CFAP99: variants seen among roughly 807,000 people sequenced by gnomAD.
CFAP99 encodes cilia and flagella associated protein 99.
A neutral mutation model predicts 82.7 loss-of-function variants in CFAP99; 84 were observed. The observed-to-expected ratio is 1.02, with a 90% CI of 0.85 to 1.22. The LOEUF is 1.22. Ranked by LOEUF, CFAP99 falls within the 50% of genes most tolerant of loss-of-function variation. CFAP99 has a pLI of 0.00. For synonymous variants in CFAP99, 456 were observed against 429.5 expected (o/e 1.06, Z -0.76); for missense variants, 1,059 against 983.5 (o/e 1.08, Z -1.03).
At chr4:2,431,262 G>A (rs1002210314) in intron 2 of CFAP99, among the ~76,000 whole-genome samples, 17 of 152,050 alleles carry the variant, frequency 1.1e-4, no homozygotes, top group Middle Eastern at 3.4e-3. Flanking sequence ...CCAGCTACTC[G>A]GGAGGCTGAG....
intron 2 of CFAP99, among the ~76,000 whole-genome samples, chr4:2,434,287 T>A (rs1578468070): frequency 6.6e-6 from 1 of 152,142 alleles, no homozygotes; most frequent in East Asian, 1.9e-4. Flanking sequence ...GCAATCAGAA[T>A]GCTGTCAGCC....
rs144674090 is a variant in CFAP99, at chr4:2,444,986, G to A, written c.465-145G>A. The stretch of plus-strand genomic sequence containing the variant: ...TATGCCTACAAGTAGAAGCCACTTC[G>A]TGAAGTGAGGCCGTCCATCCCACTA... On this transcript the variant is annotated intron_variant, in intron 5 of 14. Transcript: ENST00000635017. 1,313 of 468,740 alleles carry A rather than the reference G, an allele frequency of 2.8e-3. 6 individuals carry two copies. The highest frequency in any genetic ancestry group is 0.017 in the African/African-American group (868 of 49,908). 29.0% of individuals were successfully genotyped at this position (468,740 alleles called of 1,614,324 possible).
At chr4:2,435,571 C>G (rs1733889886) in intron 2 of CFAP99, among the ~76,000 whole-genome samples, 2 of 152,122 alleles carry the variant, frequency 1.3e-5, no homozygotes. Context: ...TCGTAGAACA[C>G]ATTGTAAGTG....
chr4:2,429,089 TC>T (rs1396593186), intron 2 of CFAP99: 6 of 152,378 alleles, frequency 3.9e-5, no homozygotes, highest in African/African-American at 1.4e-4. Flanking sequence ...TGCACTCTGC[TC>T]CAGCTGCACT....
intron 1 of CFAP99, among the ~76,000 whole-genome samples, chr4:2,421,431 T>C (rs1733582977): frequency 7.3e-6 from 1 of 136,836 alleles, no homozygotes; most frequent in Non-Finnish European, 1.5e-5. Flanking sequence ...CTCAGCTCAC[T>C]GCGACCTCTG....
At chr4:2,457,982 G>C (rs1194276666) in intron 11 of CFAP99, among the ~76,000 whole-genome samples, 1 of 152,212 alleles carries the variant, frequency 6.6e-6, no homozygotes, top group Non-Finnish European at 1.5e-5. Context: ...AGCATCCTGT[G>C]TGTCTTACTC....
At chr4:2,459,794 C>G (rs1734570474) in intron 13 of CFAP99, among the ~76,000 whole-genome samples, 1 of 152,208 alleles carries the variant, frequency 6.6e-6, no homozygotes, top group Non-Finnish European at 1.5e-5. Context: ...TAGTCATGAG[C>G]TCCATTTGGG....
chr4:2,451,392 T>C (rs1325538104), intron 10 of CFAP99, 40 bp downstream of exon 10: 4 of 1,525,288 alleles, frequency 2.6e-6, no homozygotes, highest in Admixed American at 2.0e-5. Flanking sequence ...TTCCACGGCA[T>C]CACCCTTGAG....
exon 14 of CFAP99, chr4:2,460,238 T>C (rs1412184860): frequency 2.0e-6 from 3 of 1,536,034 alleles, no homozygotes; most frequent in Admixed American, 2.0e-5. Context: ...ATCCGCAGCC[T>C]TGAGGTTGGT....
Position 2,462,102 on chromosome 4 carries a change from A to G in CFAP99, c.1662-341A>G, listed in dbSNP as rs28554149. ...AGCCTGGGAGGTCAAGGCTGCAGTGAGCCATGATCGCGCCACTGCACTCCA... is the reference window on the plus strand; with the variant it reads ...AGCCTGGGAGGTCAAGGCTGCAGTGGGCCATGATCGCGCCACTGCACTCCA... On this transcript the variant is annotated intron_variant, in intron 14 of 14. Transcript: ENST00000635017. This position sits in a 1 kb window ranked among gnomAD's most constrained non-coding sequence, Gnocchi z 4.1. The G allele has an allele frequency of 2.3e-3, 408 of 179,664 alleles. No homozygotes were observed. The highest frequency in any genetic ancestry group is 9.2e-3 in the African/African-American group (394 of 42,604). The allele number at this position is 179,664 out of a possible 1,614,324, so 11.1% of individuals were successfully genotyped here.
At chr4:2,449,243 G>A (rs972289608) in intron 6 of CFAP99, among the ~76,000 whole-genome samples, 7 of 151,988 alleles carry the variant, frequency 4.6e-5, no homozygotes, top group African/African-American at 1.7e-4. Context: ...GTCCCCTCCC[G>A]ACAGCTTACT....
At chr4:2,449,628 G>A (rs540325091) in intron 6 of CFAP99, 42 bp from the exon 7 acceptor site, 59 of 1,521,066 alleles carry the variant, frequency 3.9e-5, no homozygotes, top group African/African-American at 3.2e-4. Flanking sequence ...CCTCCCACTC[G>A]CAGCTGCTGA....
exon 6 of CFAP99, chr4:2,445,159 A>G: frequency 1.4e-6 from 2 of 1,400,826 alleles, no homozygotes; most frequent in Non-Finnish European, 1.8e-6. Flanking sequence ...GGAGCTGATC[A>G]ACCACCTGGA....
In CFAP99 at chr4:2,462,570, G is replaced by A. The variant is rs1369828894; in HGVS notation, c.1789G>A (p.Val597Met). ...CAGCAGGCAGGCGGCCTTGCTGCAC[G>A]TGTCGGCGCCGCGGACCGCGCGCCC... Residue 597 changes from valine to methionine, a missense_variant, in exon 15 of 15, where the codon GTG (valine) becomes ATG (methionine). Transcript: ENST00000635017. The surrounding 1 kb of genome is among the most constrained non-coding windows in gnomAD (Gnocchi z 4.1). 18 of 1,437,414 alleles carry A rather than the reference G, an allele frequency of 1.3e-5. No individual in the cohort carries two copies. Among genetic ancestry groups the A allele is most frequent in the Non-Finnish European group, 1.6e-5 (18 of 1,099,230 alleles). The allele number at this position is 1,437,414 out of a possible 1,614,324, so 89.0% of individuals were successfully genotyped here. A position where few individuals can be genotyped will look rare whatever the true frequency, so the allele number is the denominator to read the frequency against.
intron 2 of CFAP99, 62 bp from the exon 3 acceptor site, chr4:2,436,812 C>G: frequency 1.4e-6 from 2 of 1,392,848 alleles, no homozygotes; most frequent in Non-Finnish European, 2.0e-6. Flanking sequence ...AGTGTCCCAC[C>G]CCCACCGCCG....
intron 4 of CFAP99, among the ~76,000 whole-genome samples, chr4:2,439,756 C>T (rs1290959050): frequency 1.3e-5 from 2 of 152,210 alleles, no homozygotes; most frequent in Non-Finnish European, 2.9e-5. Context: ...GGCCAGCTTC[C>T]CTGGAAACCA....
Position 2,448,790 on chromosome 4 carries a change from A to G in CFAP99, c.643-880A>G, listed in dbSNP as rs1372443488. ...GTCTGGTCACACATCCACTGGAGGG[A>G]GCAGAGACAGGACACATTGAGGCAG... On this transcript the variant is annotated intron_variant, in intron 6 of 14. Coordinates refer to ENST00000635017, the Ensembl canonical transcript of CFAP99. The surrounding 1 kb of genome is among the most constrained non-coding windows in gnomAD (Gnocchi z 5.2). Among the ~76,000 whole-genome samples the G allele has an allele frequency of 1.3e-5, 2 of 152,144 alleles. No homozygotes were observed. Among genetic ancestry groups the G allele is most frequent in the African/African-American group, 2.4e-5 (1 of 41,428 alleles).
intron 2 of CFAP99, 45 bp from the exon 3 acceptor site, chr4:2,436,829 C>T: frequency 6.8e-7 from 1 of 1,469,490 alleles, no homozygotes; most frequent in Non-Finnish European, 9.1e-7. Context: ...GCCGCCCTTT[C>T]CTCCCGGCCC....
chr4:2,459,054 A>G (rs1734507387), intron 12 of CFAP99, 53 bp from the exon 13 acceptor site: 1 of 1,468,658 alleles, frequency 6.8e-7, no homozygotes, highest in Non-Finnish European at 9.0e-7. Context: ...CTTCCTGTCC[A>G]GCCCCTGCCC....
Sources: allele counts gnomAD v4.1 joint callset (sites outside exome capture counted in the v4.1 genomes callset), GRCh38; gene constraint gnomAD v4.1.1; non-coding constraint Gnocchi (gnomAD v3.1); transcripts MANE v1.5; gene names NCBI Gene and HGNC (gene_info 2026-07-23, HGNC 2026-07-21).